Variants in NXPE3 observed in about 807,000 individuals in gnomAD.
NXPE3 encodes the protein NXPE family member 3.
In NXPE3, 26 loss-of-function variants were observed where a neutral mutation model predicts 46.1. That is an observed-to-expected ratio of 0.56 (90% CI 0.41 to 0.78). The LOEUF (loss-of-function observed/expected upper bound fraction) is 0.78, where lower values mean the gene tolerates loss of function less well. Ranked by LOEUF, NXPE3 falls within the 30% of genes least tolerant of loss-of-function variation. The pLI is 0.00. For missense variants in NXPE3, 620 were observed against 686.0 expected (o/e 0.90, Z 1.07); for synonymous variants, 272 against 257.9 (o/e 1.05, Z -0.52).
At chr3:101,794,405 T>C (rs1245654480) in intron 4 of NXPE3, among the ~76,000 whole-genome samples, 2 of 152,182 alleles carry the variant, frequency 1.3e-5, no homozygotes, top group Admixed American at 6.6e-5. Context: ...GCAATGCAGA[T>C]ACATTTGCTT....
At chr3:101,813,797 C>T (rs1432025226) in intron 6 of NXPE3, among the ~76,000 whole-genome samples, 2 of 152,166 alleles carry the variant, frequency 1.3e-5, no homozygotes, top group African/African-American at 4.8e-5. Context: ...TTTCATATCT[C>T]AGTTATCTTA....
chr3:101,784,181 T>A (rs1173089653), intron 3 of NXPE3, among the ~76,000 whole-genome samples: 3 of 152,164 alleles, frequency 2.0e-5, no homozygotes, highest in Non-Finnish European at 4.4e-5. Context: ...AAAAGTATAA[T>A]GCAGTATCAT....
intron 7 of NXPE3, among the ~76,000 whole-genome samples, chr3:101,820,780 C>G (rs1226981540): frequency 2.6e-5 from 4 of 152,098 alleles, no homozygotes; most frequent in Non-Finnish European, 5.9e-5. Flanking sequence ...GAACAGAAAA[C>G]CAAATATTGC....
chr3:101,805,560 T>A (rs1941377404), intron 5 of NXPE3, among the ~76,000 whole-genome samples: 1 of 151,522 alleles, frequency 6.6e-6, no homozygotes, highest in African/African-American at 2.4e-5. Flanking sequence ...TGCCTCACCC[T>A]CCCAAGTAGC....
chr3:101,821,768 C>T lies in NXPE3; in HGVS notation c.1494C>T (p.Ser498=), dbSNP rs756581032. The change falls in exon 8 of 8, where the codon AGC becomes AGT. Residue 498 remains serine (S), a synonymous_variant. Transcript: ENST00000273347. The stretch of plus-strand genomic sequence containing the variant: ...GACCTGAGGTGAGCCTTTTCAACAG[C>T]GACTGGTACAACTTTCAGCTGGACA... ...ELGPEVSLFN[S]DWYNFQLDTI... is the part of the protein sequence containing the mutation. The T allele has an allele frequency of 2.0e-5, 33 of 1,614,098 alleles. No homozygotes were observed. Among genetic ancestry groups the T allele is most frequent in the East Asian group, 4.5e-5 (2 of 44,900 alleles).
intron 4 of NXPE3, among the ~76,000 whole-genome samples, chr3:101,789,531 G>A (rs953760296): frequency 2.0e-5 from 3 of 152,028 alleles, no homozygotes; most frequent in Non-Finnish European, 4.4e-5. Context: ...GGGCAGCAGG[G>A]TGAGACCCTG....
At chr3:101,784,416 G>T (rs1940025889) in intron 3 of NXPE3, among the ~76,000 whole-genome samples, 1 of 152,138 alleles carries the variant, frequency 6.6e-6, no homozygotes, top group Admixed American at 6.5e-5. Flanking sequence ...GATTGGCATT[G>T]TCATTGTGGT....
chr3:101,822,020 A>G lies in NXPE3; in HGVS notation c.*66A>G. The G allele has an allele frequency of 1.4e-6, 2 of 1,451,336 alleles. No individual in the cohort carries two copies. Among genetic ancestry groups the G allele is most frequent in the South Asian group, 2.5e-5 (2 of 78,912 alleles). 89.9% of individuals were successfully genotyped at this position (1,451,336 alleles called of 1,614,324 possible). A position where few individuals can be genotyped will look rare whatever the true frequency, so the allele number is the denominator to read the frequency against. ...TTCTCAATTGACCTGAGTTACAGAA[A>G]GTGGCCCCAGTGAGAGATGACTGCC... On this transcript the variant is annotated 3_prime_UTR_variant, in exon 8 of 8. Coordinates refer to ENST00000273347, the MANE Select transcript of NXPE3 (RefSeq NM_145037.4).
intron 7 of NXPE3, among the ~76,000 whole-genome samples, chr3:101,821,045 A>T: frequency 6.6e-6 from 1 of 152,214 alleles, no homozygotes; most frequent in Non-Finnish European, 1.5e-5. Context: ...GACATAGATA[A>T]AAAAGATTGC....
At chr3:101,821,029 T>A (rs1450015519) in intron 7 of NXPE3, among the ~76,000 whole-genome samples, 1 of 152,146 alleles carries the variant, frequency 6.6e-6, no homozygotes, top group Non-Finnish European at 1.5e-5. Flanking sequence ...AAACCCAAAC[T>A]TTTTAGACAT....
At chr3:101,791,014 A>G (rs940411979) in intron 4 of NXPE3, among the ~76,000 whole-genome samples, 1 of 152,126 alleles carries the variant, frequency 6.6e-6, no homozygotes, top group Non-Finnish European at 1.5e-5. Flanking sequence ...AGGAAAGCAT[A>G]TGTCAGTGGG....
chr3:101,795,190 T>C (rs763448069), intron 4 of NXPE3, among the ~76,000 whole-genome samples: 3 of 152,210 alleles, frequency 2.0e-5, no homozygotes, highest in African/African-American at 4.8e-5. Context: ...GAGTATCTTA[T>C]CAGTTTCTAA....
rs1234868678 is a variant in NXPE3 at position 101,823,036 on chromosome 3, G to T, written c.*1082G>T. 1.3e-5 allele frequency: 2 copies of T among 151,966 alleles called. No individual in the cohort carries two copies. Among genetic ancestry groups the T allele is most frequent in the Non-Finnish European group, 2.9e-5 (2 of 67,974 alleles). 9.4% of individuals were successfully genotyped at this position (151,966 alleles called of 1,614,324 possible). A position where few individuals can be genotyped will look rare whatever the true frequency, so the allele number is the denominator to read the frequency against. On this transcript the variant is annotated 3_prime_UTR_variant, in exon 8 of 8. Transcript: ENST00000273347. ...TTGGAAGAAGCTGCTATTCCTACTG[G>T]CTATCTAAGAAGAATGGAATTATTA...
intron 6 of NXPE3, among the ~76,000 whole-genome samples, chr3:101,810,069 C>T (rs1941640871): frequency 1.3e-5 from 2 of 152,196 alleles, no homozygotes; most frequent in Admixed American, 1.3e-4. Context: ...GGCAGTGCTA[C>T]TGCTACTTGT....
chr3:101,808,854 T>TATATATATATACACACATATATATATAC (rs770360739), intron 6 of NXPE3, among the ~76,000 whole-genome samples: 2 of 100,348 alleles, frequency 2.0e-5, no homozygotes, highest in African/African-American at 3.6e-5. Flanking sequence ...TATATATATA[T>TATATATATATACACACATATATATATAC]ATGAGACATT....
intron 1 of NXPE3, chr3:101,781,886 G>A (rs1185581350): frequency 1.3e-5 from 2 of 152,036 alleles, no homozygotes; most frequent in Non-Finnish European, 2.9e-5. Context: ...CTTCAGCCAA[G>A]GTCTGAGAGT....
rs1035105588 is a variant in NXPE3, at chr3:101,823,980, A to G, written c.*2026A>G. 3 of 151,640 alleles carry G rather than the reference A, an allele frequency of 2.0e-5. No individual in the cohort carries two copies. The highest frequency in any genetic ancestry group is 2.9e-5 in the Non-Finnish European group (2 of 68,126). 9.4% of individuals were successfully genotyped at this position (151,640 alleles called of 1,614,324 possible). On this transcript the variant is annotated 3_prime_UTR_variant, in exon 8 of 8. Transcript: ENST00000273347. ...GGTGGCACCACCTGTAGTCCCCGCTACTTAGGAGGCTGAGGTGGGAGGATT... is the reference window on the plus strand; with the variant it reads ...GGTGGCACCACCTGTAGTCCCCGCTGCTTAGGAGGCTGAGGTGGGAGGATT...
In NXPE3 at chr3:101,827,131, A is replaced by C. The variant is rs1174543783; in HGVS notation, c.*5177A>C. 2 of 152,224 alleles carry C rather than the reference A, an allele frequency of 1.3e-5. No homozygotes were observed. Among genetic ancestry groups the C allele is most frequent in the Non-Finnish European group, 1.5e-5 (1 of 68,032 alleles). 9.4% of individuals were successfully genotyped at this position (152,224 alleles called of 1,614,324 possible). On this transcript the variant is annotated 3_prime_UTR_variant, in exon 8 of 8. Coordinates refer to ENST00000273347, the MANE Select transcript of NXPE3 (RefSeq NM_145037.4). ...TCTTTTTTAATATTCTGGTTAAATG[A>C]GAGGCCATCGGGCCTCTTTTTAAGA...
chr3:101,781,403 A>G (rs1232218730), intron 1 of NXPE3, among the ~76,000 whole-genome samples: 1 of 152,220 alleles, frequency 6.6e-6, no homozygotes, highest in South Asian at 2.1e-4. Flanking sequence ...GACAATTGTA[A>G]TTCCAAATGA....
Sources: allele counts gnomAD v4.1 joint callset (sites outside exome capture counted in the v4.1 genomes callset), GRCh38; gene constraint gnomAD v4.1.1; transcripts MANE v1.5; gene names NCBI Gene and HGNC (gene_info 2026-07-23, HGNC 2026-07-21).